The following SHISAL1 variants were observed in gnomAD, a reference collection of about 807,000 sequenced individuals.
SHISAL1 encodes protein shisa-like-1.
SHISAL1 carries 9 observed loss-of-function variants against 22.6 expected under a neutral mutation model. The ratio of observed to expected loss-of-function variants is 0.40; its 90% CI spans 0.24 to 0.70. The LOEUF (loss-of-function observed/expected upper bound fraction) is 0.70, where lower values mean the gene tolerates loss of function less well. Ranked by LOEUF, SHISAL1 falls within the 30% of genes least tolerant of loss-of-function variation. SHISAL1 has a pLI of 0.39. For missense variants in SHISAL1, 246 were observed against 270.6 expected (o/e 0.91, Z 0.64); for synonymous variants, 119 against 115.4 (o/e 1.03, Z -0.20).
chr22:44,300,907 G>C lies in SHISAL1; in HGVS notation c.39C>G (p.Ala13=). The change falls in exon 2 of 5, where the codon GCC becomes GCG. Residue 13 remains alanine (A), a synonymous_variant. Transcript: ENST00000381176. ...SCGQQSLNVL[A]VLFSLLFSAV... Reference sequence around the variant, plus strand: ...CAGAAAACAGCAATGAGAAGAGGACGGCGAGCACGTTCAAGGACTGCTGGC... The same window carrying C: ...CAGAAAACAGCAATGAGAAGAGGACCGCGAGCACGTTCAAGGACTGCTGGC... 6.2e-7 allele frequency: 1 copy of C among 1,614,084 alleles called. No individual in the cohort carries two copies. Among genetic ancestry groups the C allele is most frequent in the Non-Finnish European group, 8.5e-7 (1 of 1,180,014 alleles).
intron 4 of SHISAL1, among the ~76,000 whole-genome samples, chr22:44,265,147 G>T (rs1046775569): frequency 2.0e-5 from 3 of 152,176 alleles, no homozygotes; most frequent in African/African-American, 7.2e-5. Context: ...GGCCTCCAAA[G>T]AATCTACCTT....
intron 4 of SHISAL1, among the ~76,000 whole-genome samples, chr22:44,261,524 G>T (rs1194662022): frequency 6.6e-6 from 1 of 152,174 alleles, no homozygotes; most frequent in African/African-American, 2.4e-5. Flanking sequence ...CCCCTCAGAA[G>T]CTGTGTGACC....
chr22:44,269,488 A>G (rs147050347), intron 4 of SHISAL1, among the ~76,000 whole-genome samples: 1 of 136,402 alleles, frequency 7.3e-6, no homozygotes, highest in East Asian at 2.2e-4. Context: ...ACACACACAC[A>G]CACACTCCAT....
intron 4 of SHISAL1, among the ~76,000 whole-genome samples, chr22:44,252,316 G>A (rs1310354470): frequency 6.6e-6 from 1 of 152,086 alleles, no homozygotes; most frequent in East Asian, 1.9e-4. Flanking sequence ...AGGAGGGGAA[G>A]TAGAAATATT....
At chr22:44,265,080 G>A (rs1386206568) in intron 4 of SHISAL1, among the ~76,000 whole-genome samples, 1 of 152,134 alleles carries the variant, frequency 6.6e-6, no homozygotes, top group African/African-American at 2.4e-5. Flanking sequence ...AAATGCGGCT[G>A]CTCACAGCCC....
rs113554891 is a variant in SHISAL1 at position 44,303,209 on chromosome 22, G to C, written c.-32-2232C>G. 1.7e-3 allele frequency among the ~76,000 whole-genome samples: 257 copies of C among 152,158 alleles called. 2 individuals carry two copies. The highest frequency in any genetic ancestry group is 5.4e-3 in the South Asian group (26 of 4,820). ...TGTGCCCGGCTCTGGGCCAGAAGAG[G>C]TACTGTACCCCATCCTCTCCCTGGT... is the stretch of plus-strand genomic sequence containing the variant. On this transcript the variant is annotated intron_variant, in intron 1 of 4. Transcript: ENST00000381176.
rs540043242 is a variant in SHISAL1 at position 44,253,373 on chromosome 22, G to A, written c.*-3688C>T. ...AAATAGCATAGCCTCAATATTCATA[G>A]AGCAAGACTGGAAATTTAGGGAGAA... On this transcript the variant is annotated intron_variant, in intron 4 of 4. Transcript: ENST00000381176. 4.0e-5 allele frequency among the ~76,000 whole-genome samples: 6 copies of A among 151,014 alleles called. No individual in the cohort carries two copies. In the East Asian group the frequency reaches 1.2e-3, roughly 29 times the overall value.
At chr22:44,268,148 A>T (rs1449320527) in intron 4 of SHISAL1, among the ~76,000 whole-genome samples, 1 of 152,178 alleles carries the variant, frequency 6.6e-6, no homozygotes, top group Non-Finnish European at 1.5e-5. Context: ...TCCCCATGGT[A>T]AAGGTTAATT....
the SHISAL1 span, among the ~76,000 whole-genome samples, chr22:44,328,756 G>A: frequency 4.7e-4 from 72 of 151,804 alleles, 3 homozygotes; most frequent in East Asian, 0.01. Flanking sequence ...TCTAAGCTCC[G>A]AACCTGGCCA....
At chr22:44,264,788 G>GC (rs1025290141) in intron 4 of SHISAL1, among the ~76,000 whole-genome samples, 6 of 150,848 alleles carry the variant, frequency 4.0e-5, no homozygotes, top group Non-Finnish European at 7.4e-5. Context: ...ACACACCACA[G>GC]CCCCCAGCAA....
the SHISAL1 span, among the ~76,000 whole-genome samples, chr22:44,319,162 C>T: frequency 9.2e-5 from 14 of 152,346 alleles, no homozygotes; most frequent in African/African-American, 2.9e-4. Context: ...GCGGTGGAGA[C>T]AGGAGGAAAA....
At chr22:44,271,147 C>G (rs2055203270) in intron 4 of SHISAL1, among the ~76,000 whole-genome samples, 1 of 152,176 alleles carries the variant, frequency 6.6e-6, no homozygotes, top group Non-Finnish European at 1.5e-5. Context: ...AGCTCATTTA[C>G]TCCCTGTGCC....
the SHISAL1 span, among the ~76,000 whole-genome samples, chr22:44,328,430 C>T: frequency 2.0e-5 from 3 of 152,122 alleles, no homozygotes; most frequent in Admixed American, 6.5e-5. Flanking sequence ...TCGGGGCAGG[C>T]CTTCGGGCTG....
chr22:44,265,448 G>A (rs2055155404), intron 4 of SHISAL1, among the ~76,000 whole-genome samples: 1 of 152,090 alleles, frequency 6.6e-6, no homozygotes. Context: ...AGCCACCTGA[G>A]TGAGCTGAGA....
chr22:44,245,367 T>C lies in SHISAL1; in HGVS notation c.*4318A>G, dbSNP rs967026830. The C allele has an allele frequency of 6.6e-6, 1 of 152,270 alleles. No individual in the cohort carries two copies. Among genetic ancestry groups the C allele is most frequent in the Non-Finnish European group, 1.5e-5 (1 of 68,114 alleles). The allele number at this position is 152,270 out of a possible 1,614,324, so 9.4% of individuals were successfully genotyped here. A position where few individuals can be genotyped will look rare whatever the true frequency, so the allele number is the denominator to read the frequency against. ...TCTCACTCTGTTGCCCAGGCTGGAG[T>C]GCACTGGTGCGATCTCAGCTCACTG... On this transcript the variant is annotated 3_prime_UTR_variant, in exon 5 of 5. Coordinates refer to ENST00000381176, the MANE Select transcript of SHISAL1 (RefSeq NM_001099294.2).
At chr22:44,302,339 CAAAAAAAA>C (rs35335428) in intron 1 of SHISAL1, among the ~76,000 whole-genome samples, 1 of 98,018 alleles carries the variant, frequency 1.0e-5, no homozygotes, top group African/African-American at 4.2e-5. Context: ...GACTCCGTCT[CAAAAAAAA>C]AAAAAAAAAA....
intron 4 of SHISAL1, among the ~76,000 whole-genome samples, chr22:44,261,025 G>A (rs1475696906): frequency 1.0e-4 from 15 of 147,408 alleles, no homozygotes; most frequent in South Asian, 2.2e-4. Context: ...TGGCATTGAC[G>A]CAGCTCTATT....
the SHISAL1 span, among the ~76,000 whole-genome samples, chr22:44,318,920 A>G: frequency 6.6e-6 from 1 of 152,192 alleles, no homozygotes; most frequent in Non-Finnish European, 1.5e-5. Context: ...ACTTCCCAGC[A>G]TGGGGCTCCC....
chr22:44,302,032 C>T (rs1296178753), intron 1 of SHISAL1, among the ~76,000 whole-genome samples: 2 of 152,154 alleles, frequency 1.3e-5, no homozygotes, highest in African/African-American at 2.4e-5. Context: ...ATGCCACTGA[C>T]TGTCCACTTA....
Sources: gnomAD v4.1 joint callset for allele counts (sites outside exome capture counted in the v4.1 genomes callset) on GRCh38, gnomAD v4.1.1 for gene constraint, MANE v1.5 for transcripts, NCBI Gene and HGNC (gene_info 2026-07-23, HGNC 2026-07-21) for gene names.